DDX10: variants seen among roughly 807,000 people sequenced by gnomAD.
DDX10 encodes probable ATP-dependent RNA helicase DDX10.
A neutral mutation model predicts 104.3 loss-of-function variants in DDX10; 74 were observed. The ratio of observed to expected loss-of-function variants is 0.71; its 90% CI spans 0.59 to 0.86. DDX10 has a LOEUF of 0.86. Among genes scored for constraint, DDX10 ranks in the 40% least tolerant of loss-of-function variants. The probability of loss-of-function intolerance (pLI) is 0.00; values close to 1 mark genes in which losing one functional copy is unlikely to be tolerated. For missense variants in DDX10, 952 were observed against 1,040.0 expected (o/e 0.92, Z 1.16); for synonymous variants, 351 against 353.4 (o/e 0.99, Z 0.08).
intron 16 of DDX10, among the ~76,000 whole-genome samples, chr11:108,857,522 CTT>C (rs1187730760): frequency 6.6e-6 from 1 of 152,210 alleles, no homozygotes; most frequent in Non-Finnish European, 1.5e-5. Context: ...TTCTCTCTCT[CTT>C]TGGCTCTGGC....
chr11:108,808,925 C>G (rs1862138663), intron 13 of DDX10, among the ~76,000 whole-genome samples: 1 of 152,106 alleles, frequency 6.6e-6, no homozygotes, highest in Admixed American at 6.5e-5. Context: ...TATAATTGAA[C>G]ATAGTATTTA....
intron 15 of DDX10, among the ~76,000 whole-genome samples, chr11:108,845,265 G>A (rs775994141): frequency 2.6e-5 from 4 of 151,436 alleles, no homozygotes; most frequent in Admixed American, 2.0e-4. Context: ...CTTATTTCCA[G>A]TAACTTTTAA....
chr11:108,666,935 G>C (rs1393747946), intron 1 of DDX10, among the ~76,000 whole-genome samples: 2 of 152,166 alleles, frequency 1.3e-5, no homozygotes, highest in East Asian at 3.8e-4. Flanking sequence ...TCAGCAGACC[G>C]TAGAGCTAGA....
intron 16 of DDX10, among the ~76,000 whole-genome samples, chr11:108,894,809 A>T (rs930285003): frequency 1.3e-5 from 2 of 152,024 alleles, no homozygotes; most frequent in Admixed American, 6.6e-5. Flanking sequence ...TGAAATTTTG[A>T]GGGCACTCGG....
At chr11:108,938,976 T>TTTTA (rs955228812) in intron 17 of DDX10, among the ~76,000 whole-genome samples, 1 of 152,238 alleles carries the variant, frequency 6.6e-6, no homozygotes, top group Non-Finnish European at 1.5e-5. Flanking sequence ...TCTGTGATTT[T>TTTTA]TTTATTTATT....
intron 13 of DDX10, chr11:108,729,979 T>A (rs1313385240): frequency 6.5e-6 from 1 of 154,130 alleles, no homozygotes; most frequent in Non-Finnish European, 1.5e-5. Flanking sequence ...ATCACAGTTT[T>A]GTCTGATCGT....
chr11:108,820,246 G>T (rs1047144897), intron 13 of DDX10, among the ~76,000 whole-genome samples: 1 of 152,222 alleles, frequency 6.6e-6, no homozygotes, highest in Admixed American at 6.5e-5. Context: ...GAAAGGTTTA[G>T]ATTTGTCAGG....
chr11:108,762,611 CAG>C (rs558224142), intron 13 of DDX10, among the ~76,000 whole-genome samples: 16 of 152,244 alleles, frequency 1.1e-4, no homozygotes, highest in Admixed American at 7.9e-4. Flanking sequence ...TCCTATGAGA[CAG>C]AGGTTCTCCA....
chr11:108,774,929 T>C (rs1054669539), intron 13 of DDX10, among the ~76,000 whole-genome samples: 4 of 152,172 alleles, frequency 2.6e-5, no homozygotes, highest in East Asian at 1.9e-4. Flanking sequence ...AGAAGACATA[T>C]CAATTTATAT....
intron 15 of DDX10, among the ~76,000 whole-genome samples, chr11:108,851,268 C>G (rs1053699306): frequency 6.6e-6 from 1 of 152,078 alleles, no homozygotes; most frequent in African/African-American, 2.4e-5. Flanking sequence ...ATACATGTAT[C>G]CACAAGCTAA....
At chr11:108,731,811 C>T (rs575659641) in intron 13 of DDX10, among the ~76,000 whole-genome samples, 36 of 152,184 alleles carry the variant, frequency 2.4e-4, no homozygotes, top group African/African-American at 7.9e-4. Context: ...TAAGGATAGA[C>T]GAGATATAGA....
At chr11:108,923,317 TTGCC>T (rs1381859843) in intron 17 of DDX10, among the ~76,000 whole-genome samples, 1 of 152,216 alleles carries the variant, frequency 6.6e-6, no homozygotes, top group Non-Finnish European at 1.5e-5. Flanking sequence ...GATACTGTAA[TTGCC>T]TTTGGGCTAA....
At position 108,746,365 on chromosome 11, in the gene DDX10, A is replaced by G. The variant is rs558124392; in HGVS notation, c.1965+22903A>G. Among the ~76,000 whole-genome samples, 4 of 151,934 alleles carry G rather than the reference A, an allele frequency of 2.6e-5. No individual in the cohort carries two copies. The South Asian group carries it at 6.2e-4, about 24-fold the overall frequency. On this transcript the variant is annotated intron_variant, in intron 13 of 17. Transcript: ENST00000322536. ...TTTTTTAAGTGTCATGTTGTTGCAT[A>G]TATCAGTATTGCATTTCTTTTTAGG... is the stretch of plus-strand genomic sequence containing the variant.
chr11:108,714,014 C>T (rs560390047), intron 10 of DDX10, among the ~76,000 whole-genome samples: 2 of 152,324 alleles, frequency 1.3e-5, no homozygotes, highest in African/African-American at 4.8e-5. Flanking sequence ...AGAGGCTTGA[C>T]TTTCATTAAC....
chr11:108,750,724 A>G (rs2094337426), intron 13 of DDX10, among the ~76,000 whole-genome samples: 1 of 151,016 alleles, frequency 6.6e-6, no homozygotes, highest in South Asian at 2.1e-4. Flanking sequence ...ATATATATGA[A>G]TTTCATATAT....
chr11:108,731,140 T>C (rs185453542), intron 13 of DDX10, among the ~76,000 whole-genome samples: 1 of 150,348 alleles, frequency 6.7e-6, no homozygotes, highest in East Asian at 2.1e-4. Flanking sequence ...AACCTCTGCC[T>C]CCCAGGCTCA....
chr11:108,834,326 G>A (rs1862517460), intron 13 of DDX10, among the ~76,000 whole-genome samples: 2 of 151,860 alleles, frequency 1.3e-5, no homozygotes, highest in Non-Finnish European at 1.5e-5. Context: ...TAGTGCATTT[G>A]AGTAAGTTGC....
In DDX10 at chr11:108,797,057, C is replaced by G. The variant is rs567043564; in HGVS notation, c.1966-41389C>G. Among the ~76,000 whole-genome samples the G allele has an allele frequency of 8.0e-5, 12 of 150,822 alleles. No individual in the cohort carries two copies. In the South Asian group the frequency reaches 2.3e-3, roughly 29 times the overall value. ...TCTTCTAATTTTTTTTTTTTTTAGA[C>G]AAGATCTTGCTCTGTCGCCAGGCTG... On this transcript the variant is annotated intron_variant, in intron 13 of 17. Transcript: ENST00000322536.
In DDX10 at chr11:108,940,609, A is replaced by G. The variant is rs1864097299; in HGVS notation, c.*186A>G. On this transcript the variant is annotated 3_prime_UTR_variant, in exon 18 of 18. Transcript: ENST00000322536. Reference sequence around the variant, plus strand: ...GACATGCTTTGTGCCATCACTGAGCATACTCAGATCGAGGGTGGATGATAC... The same window carrying G: ...GACATGCTTTGTGCCATCACTGAGCGTACTCAGATCGAGGGTGGATGATAC... The G allele has an allele frequency of 1.9e-6, 1 of 530,024 alleles. No homozygotes were observed. Among genetic ancestry groups the G allele is most frequent in the Non-Finnish European group, 3.2e-6 (1 of 307,730 alleles). The allele number at this position is 530,024 out of a possible 1,614,324, so 32.8% of individuals were successfully genotyped here.
Sources: allele counts gnomAD v4.1 joint callset (sites outside exome capture counted in the v4.1 genomes callset), GRCh38; gene constraint gnomAD v4.1.1; transcripts MANE v1.5; gene names NCBI Gene and HGNC (gene_info 2026-07-23, HGNC 2026-07-21).